Variants in LMX1A observed in about 807,000 individuals in gnomAD.
The protein encoded by LMX1A is LIM homeobox transcription factor 1-alpha.
A neutral mutation model predicts 49.1 loss-of-function variants in LMX1A; 15 were observed. The observed-to-expected ratio is 0.31, with a 90% CI of 0.20 to 0.47. The LOEUF is 0.47. LMX1A is among the 20% of genes least tolerant of loss of function. The pLI is 1.00. For synonymous variants in LMX1A, 167 were observed against 185.7 expected (o/e 0.90, Z 0.82); for missense variants, 372 against 475.8 (o/e 0.78, Z 2.03).
At chr1:165,296,436 C>T (rs988336847) in intron 3 of LMX1A, among the ~76,000 whole-genome samples, 3 of 152,262 alleles carry the variant, frequency 2.0e-5, no homozygotes, top group Admixed American at 1.3e-4. Flanking sequence ...AAGGGAGAGG[C>T]ACCATCATAC....
intron 4 of LMX1A, among the ~76,000 whole-genome samples, chr1:165,229,528 C>G (rs1652167166): frequency 1.3e-5 from 2 of 152,212 alleles, no homozygotes; most frequent in Admixed American, 6.5e-5. Context: ...CCAGTTACTA[C>G]AACATGGTCT....
intron 4 of LMX1A, among the ~76,000 whole-genome samples, chr1:165,224,751 G>C (rs1651975588): frequency 6.6e-6 from 1 of 152,242 alleles, no homozygotes; most frequent in Non-Finnish European, 1.5e-5. Flanking sequence ...GTGCTGTAGA[G>C]TTCTGCCTTT....
intron 4 of LMX1A, among the ~76,000 whole-genome samples, chr1:165,241,579 T>C (rs1652653323): frequency 6.6e-6 from 1 of 151,084 alleles, no homozygotes; most frequent in Non-Finnish European, 1.5e-5. Flanking sequence ...TGTCTAGCTT[T>C]AGATCCTATG....
chr1:165,255,025 C>G lies in LMX1A; in HGVS notation c.264-5385G>C, dbSNP rs565354368. ...GTACTAGTTGCAGAGACTAAGCACT[C>G]AGTGCTGTTCCTCTATTGATCACTC... On this transcript the variant is annotated intron_variant, in intron 3 of 8. Coordinates refer to ENST00000342310, the MANE Select transcript of LMX1A (RefSeq NM_177398.4). Among the ~76,000 whole-genome samples, 6 of 152,348 alleles carry G rather than the reference C, an allele frequency of 3.9e-5. No homozygotes were observed. The South Asian group carries it at 1.2e-3, about 32-fold the overall frequency.
At chr1:165,314,845 G>C (rs1017434949) in intron 3 of LMX1A, among the ~76,000 whole-genome samples, 7 of 152,180 alleles carry the variant, frequency 4.6e-5, no homozygotes, top group African/African-American at 1.7e-4. Flanking sequence ...GAGTAATGAG[G>C]GCATAACTAG....
At chr1:165,226,959 G>A (rs1652058588) in intron 4 of LMX1A, among the ~76,000 whole-genome samples, 1 of 152,172 alleles carries the variant, frequency 6.6e-6, no homozygotes, top group Admixed American at 6.5e-5. Context: ...CAGTCTGGTG[G>A]AGGAGAAGAA....
chr1:165,332,195 C>A (rs1655767781), intron 3 of LMX1A, among the ~76,000 whole-genome samples: 2 of 151,502 alleles, frequency 1.3e-5, no homozygotes, highest in South Asian at 4.2e-4. Context: ...TTCCATAAAC[C>A]AAAAGAAGGC....
intron 3 of LMX1A, among the ~76,000 whole-genome samples, chr1:165,284,563 A>G (rs575848376): frequency 2.7e-4 from 41 of 152,048 alleles, no homozygotes; most frequent in Non-Finnish European, 5.0e-4. Context: ...GCCTACCCAG[A>G]CCCCCTCCGC....
At chr1:165,292,772 C>G (rs1034799231) in intron 3 of LMX1A, among the ~76,000 whole-genome samples, 1 of 152,126 alleles carries the variant, frequency 6.6e-6, no homozygotes, top group Admixed American at 6.5e-5. Context: ...ATTTTCCACT[C>G]TAGTCTGTTG....
At chr1:165,333,370 G>A (rs1031121497) in intron 3 of LMX1A, among the ~76,000 whole-genome samples, 2 of 152,152 alleles carry the variant, frequency 1.3e-5, no homozygotes, top group African/African-American at 4.8e-5. Context: ...GGTTAGCCAG[G>A]ATGGTCTCCA....
At chr1:165,220,567 A>T (rs1388265822) in intron 4 of LMX1A, among the ~76,000 whole-genome samples, 2 of 152,214 alleles carry the variant, frequency 1.3e-5, no homozygotes, top group African/African-American at 4.8e-5. Context: ...CAAAAGACAC[A>T]GGGCATAGGT....
At chr1:165,260,860 C>G (rs1041145925) in intron 3 of LMX1A, among the ~76,000 whole-genome samples, 1 of 152,146 alleles carries the variant, frequency 6.6e-6, no homozygotes, top group African/African-American at 2.4e-5. Flanking sequence ...TTCTAACTGA[C>G]GGGTGGAAAA....
intron 3 of LMX1A, among the ~76,000 whole-genome samples, chr1:165,351,598 T>C (rs1656429473): frequency 6.6e-6 from 1 of 152,212 alleles, no homozygotes; most frequent in Non-Finnish European, 1.5e-5. Context: ...CCAGCACACG[T>C]TTCTTTTAGT....
In LMX1A at chr1:165,219,461, G is replaced by T. The variant is rs139845230; in HGVS notation, c.497-5648C>A. Among the ~76,000 whole-genome samples, 389 of 152,250 alleles carry T rather than the reference G, an allele frequency of 2.6e-3. 5 individuals are homozygous for T. The highest frequency in any genetic ancestry group is 0.017 in the East Asian group (87 of 5,164). The stretch of plus-strand genomic sequence containing the variant: ...GTTGTGAGTGGAGGGAGGAGGGAAA[G>T]AAAGAAGGGAGGAATTTATGAAGAC... On this transcript the variant is annotated intron_variant, in intron 4 of 8. Transcript: ENST00000342310.
In LMX1A at chr1:165,213,531, C is replaced by G. The variant is rs181892136; in HGVS notation, c.669+110G>C. The G allele has an allele frequency of 1.7e-5, 17 of 1,006,946 alleles. No homozygotes were observed. The East Asian group carries it at 2.6e-4, about 16-fold the overall frequency. The allele number at this position is 1,006,946 out of a possible 1,614,324, so 62.4% of individuals were successfully genotyped here. A position where few individuals can be genotyped will look rare whatever the true frequency, so the allele number is the denominator to read the frequency against. ...GCCGCCTGTGCAGGCTCTGTCTGAA[C>G]AGCCTTCCTCACCACTGTGACCCCC... On this transcript the variant is annotated intron_variant, in intron 5 of 8. Transcript: ENST00000342310.
In LMX1A at chr1:165,355,840, TG is replaced by T; in HGVS notation, c.-22-260del. ...CCCCCAACTGCGTTTCTCCTTCTCC[TG>T]CCCCCCTCACCCCCACCTACATCCC... On this transcript the variant is annotated intron_variant, in intron 1 of 8. Coordinates refer to ENST00000342310, the MANE Select transcript of LMX1A (RefSeq NM_177398.4). The surrounding 1 kb of genome is among the most constrained non-coding windows in gnomAD (Gnocchi z 4.7). 2 of 480,812 alleles carry T rather than the reference TG, an allele frequency of 4.2e-6. No homozygotes were observed. The highest frequency in any genetic ancestry group is 7.4e-6 in the Non-Finnish European group (2 of 268,494). 29.8% of individuals were successfully genotyped at this position (480,812 alleles called of 1,614,324 possible). A position where few individuals can be genotyped will look rare whatever the true frequency, so the allele number is the denominator to read the frequency against.
At chr1:165,333,034 G>C (rs1455549520) in intron 3 of LMX1A, among the ~76,000 whole-genome samples, 1 of 152,166 alleles carries the variant, frequency 6.6e-6, no homozygotes, top group Non-Finnish European at 1.5e-5. Context: ...CCATCACTTA[G>C]CCTCTTGGAG....
At chr1:165,271,324 C>A in intron 3 of LMX1A, among the ~76,000 whole-genome samples, 1 of 152,150 alleles carries the variant, frequency 6.6e-6, no homozygotes, top group East Asian at 1.9e-4. Context: ...GACAATGATA[C>A]CAACATCCCA....
chr1:165,242,517 TAAAG>T (rs1478595321), intron 4 of LMX1A, among the ~76,000 whole-genome samples: 2 of 142,088 alleles, frequency 1.4e-5, no homozygotes, highest in African/African-American at 2.6e-5. Flanking sequence ...TAAAAGGAAA[TAAAG>T]ATATTGTTTG....
Sources: gnomAD v4.1 joint callset for allele counts (sites outside exome capture counted in the v4.1 genomes callset) on GRCh38, gnomAD v4.1.1 for gene constraint, Gnocchi (gnomAD v3.1) non-coding constraint, MANE v1.5 for transcripts, NCBI Gene and HGNC (gene_info 2026-07-23, HGNC 2026-07-21) for gene names.